AGFG1: variants seen among roughly 807,000 people sequenced by gnomAD.
The protein encoded by AGFG1 is ArfGAP with FG repeats 1.
Under a neutral mutation model 60.6 loss-of-function variants are expected in AGFG1, and 10 were observed. That is an observed-to-expected ratio of 0.16 (90% confidence interval 0.10 to 0.28). The LOEUF is 0.28. AGFG1 is among the 10% of genes least tolerant of loss of function. The pLI is 1.00. For missense variants in AGFG1, 537 were observed against 676.5 expected, an observed-to-expected ratio of 0.79 and a Z score of 2.29; for synonymous variants, 247 against 242.9, an observed-to-expected ratio of 1.02 and a Z score of -0.16.
At chr2:227,485,019 TTTTTG>T (rs1407153339) in intron 1 of AGFG1, among the ~76,000 whole-genome samples, 7 of 151,886 alleles carry the variant, frequency 4.6e-5, no homozygotes, top group Non-Finnish European at 1.0e-4. Flanking sequence ...CTAGTGGGTT[TTTTTG>T]TTTTGTTTTT....
intron 1 of AGFG1, among the ~76,000 whole-genome samples, chr2:227,477,080 A>G (rs1690305985): frequency 6.6e-6 from 1 of 151,772 alleles, no homozygotes; most frequent in Non-Finnish European, 1.5e-5. Flanking sequence ...TTTTGTATTT[A>G]TAGTAGAGAC....
intron 6 of AGFG1, chr2:227,532,168 T>G (rs368982901): frequency 1.9e-6 from 3 of 1,549,368 alleles, no homozygotes; most frequent in Non-Finnish European, 2.6e-6. Context: ...AGCTGCAGTT[T>G]TGGTGAATTT....
chr2:227,524,281 C>G (rs757258146), intron 4 of AGFG1, among the ~76,000 whole-genome samples: 2 of 151,468 alleles, frequency 1.3e-5, no homozygotes, highest in African/African-American at 4.9e-5. Flanking sequence ...AATGTATAGT[C>G]TCTTTGATAC....
intron 1 of AGFG1, among the ~76,000 whole-genome samples, chr2:227,481,480 C>T (rs1406872785): frequency 6.6e-6 from 1 of 152,158 alleles, no homozygotes; most frequent in African/African-American, 2.4e-5. Flanking sequence ...TTCAGTAAAT[C>T]TTGATATGTC....
At chr2:227,486,850 A>AT (rs1575065680) in intron 1 of AGFG1, among the ~76,000 whole-genome samples, 1 of 152,182 alleles carries the variant, frequency 6.6e-6, no homozygotes, top group Non-Finnish European at 1.5e-5. Context: ...GTCTGGAAAC[A>AT]TTTTTGATTG....
chr2:227,491,347 T>C (rs1690811100), intron 1 of AGFG1, among the ~76,000 whole-genome samples, 200 bp from the exon 2 acceptor site: 2 of 152,186 alleles, frequency 1.3e-5, no homozygotes, highest in South Asian at 4.1e-4. Context: ...GTTAAGTCTA[T>C]TATTTAATGA....
intron 5 of AGFG1, among the ~76,000 whole-genome samples, chr2:227,525,919 C>A (rs961126894): frequency 6.6e-6 from 1 of 152,170 alleles, no homozygotes; most frequent in African/African-American, 2.4e-5. Flanking sequence ...TTTATTCCTT[C>A]ACTTATTAGC....
intron 10 of AGFG1, among the ~76,000 whole-genome samples, chr2:227,551,420 A>G (rs1175859533): frequency 6.6e-6 from 1 of 151,936 alleles, no homozygotes; most frequent in Non-Finnish European, 1.5e-5. Context: ...TGTAGTTACA[A>G]AGCTGCATAG....
rs745927506 is a variant in AGFG1, at chr2:227,553,824, A to G, written c.1629+29A>G. 19 of 1,497,130 alleles carry G rather than the reference A, an allele frequency of 1.3e-5. No individual in the cohort carries two copies. In the South Asian group the frequency reaches 2.0e-4, roughly 16 times the overall value. The allele number at this position is 1,497,130 out of a possible 1,614,324, so 92.7% of individuals were successfully genotyped here. A position where few individuals can be genotyped will look rare whatever the true frequency, so the allele number is the denominator to read the frequency against. On this transcript the variant is annotated intron_variant, in intron 12 of 12. Coordinates refer to ENST00000310078, the MANE Select transcript of AGFG1 (RefSeq NM_004504.5). ...AGCAAAATTTAAAATTAAATACTTT[A>G]TAAGTTGTTAAATCTTATTTTAAAA...
Position 227,533,931 on chromosome 2 carries a change from T to C in AGFG1, c.1024+173T>C, listed in dbSNP as rs758211844. 6.6e-5 allele frequency among the ~76,000 whole-genome samples: 10 copies of C among 152,160 alleles called. No individual in the cohort carries two copies. In the South Asian group the frequency reaches 1.2e-3, roughly 19 times the overall value. On this transcript the variant is annotated intron_variant, in intron 7 of 12. Transcript: ENST00000310078. Reference sequence around the variant, plus strand: ...CTTGACACATTTTAGACCTGAAATATCAACTACAAAACTGAAGACATAGGG... The same window carrying C: ...CTTGACACATTTTAGACCTGAAATACCAACTACAAAACTGAAGACATAGGG...
Position 227,472,597 on chromosome 2 carries a change from G to T in AGFG1, c.167+9G>T. 1 of 1,567,642 alleles carries T rather than the reference G, an allele frequency of 6.4e-7. No homozygotes were observed. Among genetic ancestry groups the T allele is most frequent in the Non-Finnish European group, 8.6e-7 (1 of 1,157,156 alleles). ...TCCTGCTCCGGCAGCCTGTGAGTGCGGGGCGGCCGGGCGGGTGTCGGGCCC... is the reference window on the plus strand; with the variant it reads ...TCCTGCTCCGGCAGCCTGTGAGTGCTGGGCGGCCGGGCGGGTGTCGGGCCC... On this transcript the variant is annotated intron_variant, in intron 1 of 12. Coordinates refer to ENST00000310078, the MANE Select transcript of AGFG1 (RefSeq NM_004504.5).
chr2:227,539,746 CAAAAAAAAA>C (rs71039604), intron 10 of AGFG1, among the ~76,000 whole-genome samples: 772 of 65,592 alleles, frequency 0.012, 14 homozygotes, highest in African/African-American at 0.038. Context: ...CTCTAGCTCA[CAAAAAAAAA>C]AAAAAAAAAA....
At chr2:227,496,125 G>GAAAA (rs763518080) in intron 2 of AGFG1, among the ~76,000 whole-genome samples, 1 of 143,224 alleles carries the variant, frequency 7.0e-6, no homozygotes, top group African/African-American at 2.6e-5. Context: ...AAAAAAAAAA[G>GAAAA]AAAAAAAAAG....
chr2:227,544,674 A>T (rs1168950366), intron 10 of AGFG1, among the ~76,000 whole-genome samples: 1 of 152,128 alleles, frequency 6.6e-6, no homozygotes, highest in African/African-American at 2.4e-5. Context: ...ATCTCTCAGC[A>T]TTTGCTTGTC....
chr2:227,525,054 A>G, intron 5 of AGFG1, 139 bp downstream of exon 5: 11 of 936,426 alleles, frequency 1.2e-5, no homozygotes, highest in Non-Finnish European at 1.6e-5. Flanking sequence ...GAGCTGTAAT[A>G]TGTAACCATA....
intron 2 of AGFG1, among the ~76,000 whole-genome samples, chr2:227,509,047 T>C (rs990256104): frequency 6.6e-6 from 1 of 152,162 alleles, no homozygotes; most frequent in Non-Finnish European, 1.5e-5. Context: ...GCCATAAACA[T>C]GTAGAAAACA....
At chr2:227,538,345 T>TA (rs1349764448) in intron 10 of AGFG1, among the ~76,000 whole-genome samples, 1 of 152,240 alleles carries the variant, frequency 6.6e-6, no homozygotes, top group Non-Finnish European at 1.5e-5. Context: ...GATTTATAGT[T>TA]ACTTGCAGGT....
intron 8 of AGFG1, among the ~76,000 whole-genome samples, chr2:227,536,042 T>G (rs553851964): frequency 2.0e-5 from 3 of 152,286 alleles, no homozygotes; most frequent in African/African-American, 7.2e-5. Flanking sequence ...TTTAATACTT[T>G]AAGTTCTAGG....
intron 1 of AGFG1, among the ~76,000 whole-genome samples, chr2:227,485,139 C>G (rs1357895149): frequency 6.6e-6 from 1 of 152,052 alleles, no homozygotes. Context: ...ATGGTCTTCT[C>G]CCTTCCATTG....
Sources: allele counts gnomAD v4.1 joint callset (sites outside exome capture counted in the v4.1 genomes callset), GRCh38; gene constraint gnomAD v4.1.1; transcripts MANE v1.5; gene names NCBI Gene and HGNC (gene_info 2026-07-23, HGNC 2026-07-21).